KMT5B: variants seen among roughly 807,000 people sequenced by gnomAD.
KMT5B encodes lysine methyltransferase 5B.
A neutral mutation model predicts 83.2 loss-of-function variants in KMT5B; 10 were observed. The observed-to-expected ratio is 0.12, with a 90% confidence interval of 0.07 to 0.20. The LOEUF is 0.20. KMT5B is among the 10% of genes least tolerant of loss of function. KMT5B has a pLI of 1.00. For missense variants in KMT5B, 753 were observed against 1,067.2 expected, an observed-to-expected ratio of 0.71 and a Z score of 4.10; for synonymous variants, 349 against 388.8, an observed-to-expected ratio of 0.90 and a Z score of 1.20.
chr11:68,211,037 T>G (rs1483706820), intron 1 of KMT5B, among the ~76,000 whole-genome samples: 1 of 152,206 alleles, frequency 6.6e-6, no homozygotes, highest in African/African-American at 2.4e-5. Context: ...CACAAATCTC[T>G]TTATCACACA....
chr11:68,168,416 AC>A (rs2153048821), intron 9 of KMT5B, among the ~76,000 whole-genome samples: 1 of 151,428 alleles, frequency 6.6e-6, no homozygotes, highest in African/African-American at 2.4e-5. Context: ...GCTCACTGCA[AC>A]CCCTGCCTCC....
chr11:68,177,935 A>G (rs1856536392), intron 4 of KMT5B, among the ~76,000 whole-genome samples: 1 of 152,190 alleles, frequency 6.6e-6, no homozygotes, highest in Non-Finnish European at 1.5e-5. Context: ...TCTTGCTGCA[A>G]TCCTACACTA....
intron 1 of KMT5B, among the ~76,000 whole-genome samples, chr11:68,200,287 G>A (rs1278305971): frequency 6.6e-6 from 1 of 152,194 alleles, no homozygotes; most frequent in Non-Finnish European, 1.5e-5. Flanking sequence ...CACAAAAGGA[G>A]CAACAAGTGA....
intron 9 of KMT5B, among the ~76,000 whole-genome samples, chr11:68,168,941 A>G (rs1437310405): frequency 6.6e-6 from 1 of 152,200 alleles, no homozygotes; most frequent in Non-Finnish European, 1.5e-5. Context: ...TTCAGTTAAT[A>G]TGTAATGAAT....
At chr11:68,178,063 CTT>C (rs1856547294) in intron 4 of KMT5B, among the ~76,000 whole-genome samples, 1 of 152,174 alleles carries the variant, frequency 6.6e-6, no homozygotes, top group East Asian at 1.9e-4. Flanking sequence ...ATAACCCGTG[CTT>C]TGTGTGGCAA....
At chr11:68,201,818 G>A (rs1859474291) in intron 1 of KMT5B, among the ~76,000 whole-genome samples, 1 of 151,368 alleles carries the variant, frequency 6.6e-6, no homozygotes, top group South Asian at 2.1e-4. Flanking sequence ...GGTGGCTCAC[G>A]CCTGTAATCC....
intron 3 of KMT5B, among the ~76,000 whole-genome samples, chr11:68,181,222 G>A (rs959898499): frequency 1.3e-5 from 2 of 151,910 alleles, no homozygotes; most frequent in Non-Finnish European, 2.9e-5. Context: ...TTACGGGCAC[G>A]CACCACCATG....
At position 68,158,996 on chromosome 11, in the gene KMT5B, T is replaced by C. The variant is rs1341253263; in HGVS notation, c.1350A>G (p.Ser450=). Residue 450 remains serine (S), a synonymous_variant, in exon 11 of 11, where the codon TCA becomes TCG. Coordinates refer to ENST00000304363, the MANE Select transcript of KMT5B (RefSeq NM_017635.5). The part of the protein sequence containing the change: ...KLKKPAKPLL[S]KIKLRNHCKR... The stretch of plus-strand genomic sequence containing the variant: ...TGCAATGATTTCTCAATTTTATCTT[T>C]GAAAGTAAAGGCTTTGCAGGCTTCT... The C allele has an allele frequency of 1.9e-6, 3 of 1,611,884 alleles. No individual in the cohort carries two copies. The highest frequency in any genetic ancestry group is 1.7e-6 in the Non-Finnish European group (2 of 1,179,542).
chr11:68,184,800 T>C (rs1053715622), intron 3 of KMT5B, among the ~76,000 whole-genome samples: 1 of 152,236 alleles, frequency 6.6e-6, no homozygotes, highest in Non-Finnish European at 1.5e-5. Flanking sequence ...TGGTGGCAGA[T>C]ACATTTGTGA....
chr11:68,162,354 A>T (rs555922664), intron 10 of KMT5B, among the ~76,000 whole-genome samples: 1 of 152,298 alleles, frequency 6.6e-6, no homozygotes, highest in African/African-American at 2.4e-5. Flanking sequence ...TGTACTCGCC[A>T]TGAAGAAAAG....
chr11:68,203,754 G>T (rs1859735374), intron 1 of KMT5B, among the ~76,000 whole-genome samples: 1 of 152,144 alleles, frequency 6.6e-6, no homozygotes, highest in African/African-American at 2.4e-5. Flanking sequence ...GTTCAACGGG[G>T]TGTTAGTATT....
At position 68,213,251 on chromosome 11, in the gene KMT5B, T is replaced by C. The variant is rs1176926502; in HGVS notation, c.-190A>G. The C allele has an allele frequency of 6.9e-6, 1 of 144,450 alleles. No homozygotes were observed. The highest frequency in any genetic ancestry group is 2.5e-5 in the African/African-American group (1 of 39,834). The allele number at this position is 144,450 out of a possible 1,614,324, so 8.9% of individuals were successfully genotyped here. A position where few individuals can be genotyped will look rare whatever the true frequency, so the allele number is the denominator to read the frequency against. On this transcript the variant is annotated 5_prime_UTR_variant, in exon 1 of 11. Coordinates refer to ENST00000304363, the MANE Select transcript of KMT5B (RefSeq NM_017635.5). ...GTCCCAGTCCCCCCCAGAAAATTAA[T>C]CACCAAAAATAATTCCAGAGAAAAA...
At chr11:68,198,254 C>T (rs1226339651) in intron 1 of KMT5B, among the ~76,000 whole-genome samples, 1 of 152,142 alleles carries the variant, frequency 6.6e-6, no homozygotes, top group Admixed American at 6.5e-5. Context: ...CGTGGTGTCA[C>T]ATGCCTGTAA....
At position 68,167,008 on chromosome 11, in the gene KMT5B, T is replaced by G; in HGVS notation, c.1148A>C (p.Asp383Ala). The G allele has an allele frequency of 6.2e-7, 1 of 1,614,180 alleles. No homozygotes were observed. Among genetic ancestry groups the G allele is most frequent in the Non-Finnish European group, 8.5e-7 (1 of 1,180,012 alleles). The change falls in exon 10 of 11, where the codon GAT (aspartate) becomes GCT (alanine). Residue 383 changes from aspartate (D) to alanine (A), a missense_variant. Coordinates refer to ENST00000304363, the MANE Select transcript of KMT5B (RefSeq NM_017635.5). ...SQSVSSNTDADTTQEKNNATS... is the reference protein window; with the variant it reads ...SQSVSSNTDAATTQEKNNATS... ...TGCATTGTTTTTTTCCTGAGTGGTA[T>G]CTGCATCAGTGTTAGAGCTGACAGA...
chr11:68,167,494 G>A (rs931806153), intron 9 of KMT5B, among the ~76,000 whole-genome samples: 2 of 136,202 alleles, frequency 1.5e-5, no homozygotes, highest in East Asian at 2.1e-4. Context: ...TCACTCTACC[G>A]CCCAGGCTGG....
At chr11:68,208,843 T>C (rs1177220233) in intron 1 of KMT5B, among the ~76,000 whole-genome samples, 1 of 152,204 alleles carries the variant, frequency 6.6e-6, no homozygotes, top group Non-Finnish European at 1.5e-5. Flanking sequence ...TACAAGACCC[T>C]GTCTCAAAAA....
At chr11:68,175,771 G>A (rs370413450) in intron 4 of KMT5B, among the ~76,000 whole-genome samples, 1 of 152,126 alleles carries the variant, frequency 6.6e-6, no homozygotes. Flanking sequence ...AACAGGCTTC[G>A]AAACACACCT....
chr11:68,156,931 C>T lies in KMT5B; in HGVS notation c.*757G>A, dbSNP rs1565210913. On this transcript the variant is annotated 3_prime_UTR_variant, in exon 11 of 11. Coordinates refer to ENST00000304363, the MANE Select transcript of KMT5B (RefSeq NM_017635.5). ...AATTTTTGAAAAAATAAGCACCAATCATTCTTGCAAAGAACAATTTTATCT... is the reference window on the plus strand; with the variant it reads ...AATTTTTGAAAAAATAAGCACCAATTATTCTTGCAAAGAACAATTTTATCT... 1 of 152,488 alleles carries T rather than the reference C, an allele frequency of 6.6e-6. No individual in the cohort carries two copies. Among genetic ancestry groups the T allele is most frequent in the Non-Finnish European group, 1.5e-5 (1 of 67,988 alleles). 9.4% of individuals were successfully genotyped at this position (152,488 alleles called of 1,614,324 possible).
chr11:68,183,634 C>CA (rs1857160230), intron 3 of KMT5B, among the ~76,000 whole-genome samples: 1 of 149,182 alleles, frequency 6.7e-6, no homozygotes, highest in Non-Finnish European at 1.5e-5. Flanking sequence ...GCTGGGATTA[C>CA]AGGCATGAGC....
Sources: allele counts gnomAD v4.1 joint callset (sites outside exome capture counted in the v4.1 genomes callset), GRCh38; gene constraint gnomAD v4.1.1; transcripts MANE v1.5; gene names NCBI Gene and HGNC (gene_info 2026-07-23, HGNC 2026-07-21).